Variants in PID1 observed in about 807,000 individuals in gnomAD.
PID1 encodes phosphotyrosine interaction domain containing 1.
In PID1, 10 loss-of-function variants were observed where a neutral mutation model predicts 19.1. The observed-to-expected ratio is 0.52, with a 90% CI of 0.32 to 0.89. The LOEUF is 0.89. Ranked by LOEUF, PID1 falls within the 40% of genes least tolerant of loss-of-function variation. The pLI is 0.03. For missense variants in PID1, 248 were observed against 285.3 expected, an observed-to-expected ratio of 0.87 and a Z score of 0.94; for synonymous variants, 130 against 116.0, an observed-to-expected ratio of 1.12 and a Z score of -0.78.
chr2:229,109,230 T>G lies in PID1; in HGVS notation c.177+46588A>C, dbSNP rs1287010534. On this transcript the variant is annotated intron_variant, in intron 2 of 2. Transcript: ENST00000392055. Reference sequence around the variant, plus strand: ...CACCTATTTGGGGAGATTCTTTGAATCTTCTTCAATATAGAATATTAAGAG... The same window carrying G: ...CACCTATTTGGGGAGATTCTTTGAAGCTTCTTCAATATAGAATATTAAGAG... 2.6e-5 allele frequency among the ~76,000 whole-genome samples: 4 copies of G among 152,234 alleles called. No homozygotes were observed. In the East Asian group the frequency reaches 7.7e-4, roughly 29 times the overall value.
chr2:229,096,548 C>T (rs1334567372), intron 2 of PID1, among the ~76,000 whole-genome samples: 1 of 152,132 alleles, frequency 6.6e-6, no homozygotes. Context: ...GATTAAAGCT[C>T]TGACTCATGG....
At chr2:229,218,247 A>T (rs1243663420) in intron 1 of PID1, among the ~76,000 whole-genome samples, 1 of 139,390 alleles carries the variant, frequency 7.2e-6, no homozygotes, top group Non-Finnish European at 1.5e-5. Flanking sequence ...AGATTCATGA[A>T]TTTTTTATCA....
At chr2:229,228,736 T>C (rs1420391694) in intron 1 of PID1, among the ~76,000 whole-genome samples, 1 of 151,902 alleles carries the variant, frequency 6.6e-6, no homozygotes, top group African/African-American at 2.4e-5. Context: ...AACAAAAAGG[T>C]ATCTGCTAAA....
At chr2:229,211,025 T>C (rs1000680257) in intron 1 of PID1, among the ~76,000 whole-genome samples, 1 of 152,216 alleles carries the variant, frequency 6.6e-6, no homozygotes, top group African/African-American at 2.4e-5. Context: ...CCTTTCCAAA[T>C]AAAGCTGCCT....
chr2:229,210,317 C>T (rs971820677), intron 1 of PID1, among the ~76,000 whole-genome samples: 6 of 151,480 alleles, frequency 4.0e-5, no homozygotes, highest in Non-Finnish European at 8.8e-5. Context: ...TCGAGACCAT[C>T]GTGGCTAACA....
intron 2 of PID1, among the ~76,000 whole-genome samples, chr2:229,154,938 A>G (rs1441072843): frequency 6.6e-6 from 1 of 152,220 alleles, no homozygotes; most frequent in Non-Finnish European, 1.5e-5. Context: ...TACCAAAATT[A>G]TACATTTCAT....
intron 2 of PID1, among the ~76,000 whole-genome samples, chr2:229,094,960 A>G (rs951705391): frequency 6.6e-6 from 1 of 152,234 alleles, no homozygotes; most frequent in Non-Finnish European, 1.5e-5. Flanking sequence ...ACGATACGTT[A>G]CATGTATTAT....
intron 1 of PID1, chr2:229,232,043 C>T (rs138237177): frequency 1.3e-6 from 2 of 1,544,176 alleles, no homozygotes; most frequent in African/African-American, 1.4e-5. Context: ...GGCTAAGGGG[C>T]AGGCTGAACA....
intron 2 of PID1, among the ~76,000 whole-genome samples, chr2:229,104,275 A>G (rs563503968): frequency 3.3e-4 from 50 of 152,218 alleles, no homozygotes; most frequent in Non-Finnish European, 6.5e-4. Context: ...TTGTGGGGTA[A>G]GTATGAATTA....
intron 2 of PID1, among the ~76,000 whole-genome samples, chr2:229,068,324 G>C (rs371659623): frequency 5.9e-5 from 9 of 152,100 alleles, no homozygotes; most frequent in East Asian, 3.9e-4. Context: ...TTTAATGCTT[G>C]GCTCATGAGG....
intron 2 of PID1, among the ~76,000 whole-genome samples, chr2:229,101,516 A>T (rs187931864): frequency 1.3e-5 from 2 of 152,354 alleles, no homozygotes; most frequent in Admixed American, 6.5e-5. Flanking sequence ...ACTAACAGCC[A>T]GTATATTCAC....
intron 1 of PID1, among the ~76,000 whole-genome samples, chr2:229,170,171 C>T (rs1323251995): frequency 6.6e-6 from 1 of 152,080 alleles, no homozygotes; most frequent in Non-Finnish European, 1.5e-5. Context: ...AATACAAGGC[C>T]AATAATACCT....
intron 2 of PID1, among the ~76,000 whole-genome samples, chr2:229,150,010 G>C (rs1456484215): frequency 6.6e-6 from 1 of 152,096 alleles, no homozygotes; most frequent in Non-Finnish European, 1.5e-5. Flanking sequence ...GGCCGAGGCG[G>C]GTGGATCACT....
At position 229,052,037 on chromosome 2, in the gene PID1, C is replaced by T. The variant is rs1694006384; in HGVS notation, c.178-25929G>A. Among the ~76,000 whole-genome samples, 5 of 152,316 alleles carry T rather than the reference C, an allele frequency of 3.3e-5. No individual in the cohort carries two copies. The South Asian group carries it at 8.3e-4, about 25-fold the overall frequency. ...GTGGGCTCTGGGGCTGACAGACACT[C>T]AGAATGTCCTGGCTCAGGCTTTCAT... On this transcript the variant is annotated intron_variant, in intron 2 of 2. Coordinates refer to ENST00000392055, the MANE Select transcript of PID1 (RefSeq NM_001100818.2).
chr2:229,104,607 C>T (rs1163204016), intron 2 of PID1, among the ~76,000 whole-genome samples: 2 of 152,192 alleles, frequency 1.3e-5, no homozygotes, highest in African/African-American at 2.4e-5. Context: ...AAGCTTCCAA[C>T]TTACATAATC....
intron 2 of PID1, among the ~76,000 whole-genome samples, chr2:229,035,527 TG>T (rs1488389218): frequency 4.5e-4 from 69 of 151,996 alleles, no homozygotes; most frequent in African/African-American, 1.6e-3. Flanking sequence ...TGTGTGTGTG[TG>T]TGTGTGTGTG....
chr2:229,153,732 C>G (rs537159752), intron 2 of PID1, among the ~76,000 whole-genome samples: 3 of 152,306 alleles, frequency 2.0e-5, no homozygotes, highest in South Asian at 4.1e-4. Flanking sequence ...TTTTCTCTCT[C>G]TTACAAACAC....
chr2:229,117,525 G>A (rs1431283421), intron 2 of PID1, among the ~76,000 whole-genome samples: 1 of 152,064 alleles, frequency 6.6e-6, no homozygotes, highest in African/African-American at 2.4e-5. Context: ...CTGTAGCCAG[G>A]CCGATAATGC....
intron 1 of PID1, among the ~76,000 whole-genome samples, chr2:229,237,392 T>C (rs1182325485): frequency 6.6e-6 from 1 of 152,182 alleles, no homozygotes; most frequent in African/African-American, 2.4e-5. Flanking sequence ...TTTTCAGTCA[T>C]TCAAGCGTAT....
Sources: allele counts gnomAD v4.1 joint callset (sites outside exome capture counted in the v4.1 genomes callset), GRCh38; gene constraint gnomAD v4.1.1; transcripts MANE v1.5; gene names NCBI Gene and HGNC (gene_info 2026-07-23, HGNC 2026-07-21).